The following FGF14 variants were observed in gnomAD, a reference collection of about 807,000 sequenced individuals.
FGF14 encodes the protein fibroblast growth factor homologous factor 4.
FGF14 carries 5 observed loss-of-function variants against 25.5 expected under a neutral mutation model. That is an observed-to-expected ratio of 0.20 (90% CI 0.10 to 0.41). The LOEUF is 0.41. FGF14 is among the 10% of genes least tolerant of loss of function. FGF14 has a pLI of 1.00. For synonymous variants in FGF14, 138 were observed against 118.3 expected (o/e 1.17, Z -1.08); for missense variants, 222 against 320.1 (o/e 0.69, Z 2.34).
At chr13:101,881,050 A>T (rs1428538410) in intron 1 of FGF14, among the ~76,000 whole-genome samples, 1 of 152,214 alleles carries the variant, frequency 6.6e-6, no homozygotes, top group East Asian at 1.9e-4. Flanking sequence ...ACTATGGGCA[A>T]AGACTTTTTC....
At chr13:102,147,743 A>AG (rs1033559689) in intron 1 of FGF14, among the ~76,000 whole-genome samples, 1 of 152,152 alleles carries the variant, frequency 6.6e-6, no homozygotes, top group African/African-American at 2.4e-5. Context: ...GTGGTAGAAA[A>AG]GGGGCTGAAA....
intron 1 of FGF14, among the ~76,000 whole-genome samples, chr13:102,370,670 G>T (rs781716439): frequency 6.6e-6 from 1 of 152,102 alleles, no homozygotes; most frequent in Admixed American, 6.6e-5. Flanking sequence ...AACTAAGTGA[G>T]ATAAAAAATG....
chr13:102,140,122 G>C (rs2046587153), intron 1 of FGF14, among the ~76,000 whole-genome samples: 1 of 149,086 alleles, frequency 6.7e-6, no homozygotes, highest in Non-Finnish European at 1.5e-5. Context: ...GTAAGATTTG[G>C]AGAATCTTAT....
chr13:102,056,331 A>G (rs370328011), intron 1 of FGF14, among the ~76,000 whole-genome samples: 30 of 152,316 alleles, frequency 2.0e-4, no homozygotes, highest in African/African-American at 6.7e-4. Context: ...TAGTTCAACA[A>G]TCATTTACCT....
Position 101,722,651 on chromosome 13 carries a change from T to C in FGF14, c.*180A>G, listed in dbSNP as rs1173428105. Reference sequence around the variant, plus strand: ...AGCTGGTTATCCAGGTGTCTTCTTGTTGTGGGGGGTGCAACAGGTTGAGAT... The same window carrying C: ...AGCTGGTTATCCAGGTGTCTTCTTGCTGTGGGGGGTGCAACAGGTTGAGAT... On this transcript the variant is annotated 3_prime_UTR_variant, in exon 5 of 5. Transcript: ENST00000376143. The C allele has an allele frequency of 1.3e-6, 1 of 752,252 alleles. No individual in the cohort carries two copies. Among genetic ancestry groups the C allele is most frequent in the Non-Finnish European group, 2.2e-6 (1 of 453,092 alleles). The allele number at this position is 752,252 out of a possible 1,614,324, so 46.6% of individuals were successfully genotyped here.
intron 1 of FGF14, among the ~76,000 whole-genome samples, chr13:102,214,879 T>A (rs752333497): frequency 6.6e-6 from 1 of 152,146 alleles, no homozygotes. Context: ...GGTTGAGAAA[T>A]CTTGTTCTAG....
In FGF14 at chr13:102,251,625, A is replaced by G. The variant is rs577031052; in HGVS notation, c.208+149846T>C. ...ATGCCAGCCATCGAGTTCTGAGCCT[A>G]TGGGATTTGGGTTTTCTCTACTAGC... On this transcript the variant is annotated intron_variant, in intron 1 of 4. Transcript: ENST00000376131. Among the ~76,000 whole-genome samples, 8 of 152,286 alleles carry G rather than the reference A, an allele frequency of 5.3e-5. No individual in the cohort carries two copies. In the East Asian group the frequency reaches 1.5e-3, roughly 29 times the overall value.
chr13:101,885,943 G>A (rs550586317), intron 1 of FGF14, among the ~76,000 whole-genome samples: 18 of 152,212 alleles, frequency 1.2e-4, no homozygotes, highest in Middle Eastern at 6.8e-3. Context: ...CTTTGCAGGG[G>A]ATAGAAAACC....
chr13:101,780,466 C>G (rs997665552), intron 3 of FGF14, among the ~76,000 whole-genome samples: 1 of 152,140 alleles, frequency 6.6e-6, no homozygotes, highest in African/African-American at 2.4e-5. Context: ...ATGCCAATGT[C>G]AATCTAAAGA....
chr13:101,941,011 G>C (rs1465274890), intron 1 of FGF14, among the ~76,000 whole-genome samples: 1 of 152,048 alleles, frequency 6.6e-6, no homozygotes. Context: ...AAAAAAACAA[G>C]TCTTGATCCT....
chr13:101,880,092 C>T (rs1385903848), intron 1 of FGF14, among the ~76,000 whole-genome samples: 1 of 152,138 alleles, frequency 6.6e-6, no homozygotes, highest in Admixed American at 6.5e-5. Context: ...CTCGAGAACC[C>T]CTTCCCTCTA....
chr13:101,896,100 T>C (rs2030624025), intron 1 of FGF14, among the ~76,000 whole-genome samples: 1 of 152,108 alleles, frequency 6.6e-6, no homozygotes, highest in Non-Finnish European at 1.5e-5. Flanking sequence ...TCTCCAAGGG[T>C]ATTCATACCC....
At chr13:101,853,137 T>C (rs2043943714) in intron 3 of FGF14, among the ~76,000 whole-genome samples, 1 of 152,042 alleles carries the variant, frequency 6.6e-6, no homozygotes, top group Non-Finnish European at 1.5e-5. Flanking sequence ...GTGTGTAGAA[T>C]GATCACATAA....
rs3067869 is a variant in FGF14 at position 102,398,013 on chromosome 13, A to AGTGTGTGTGTGT, written c.208+3446_208+3457dup. ...CTGCTAGGAAAGTAGGACATTTAAG[A>AGTGTGTGTGTGT]GTGTGTGTGTGTGTGTGTGTGTGTG... On this transcript the variant is annotated intron_variant, in intron 1 of 4. Transcript: ENST00000376131. Among the ~76,000 whole-genome samples, 318 of 147,248 alleles carry AGTGTGTGTGTGT rather than the reference A, an allele frequency of 2.2e-3. 1 individual carries two copies. The highest frequency in any genetic ancestry group is 5.1e-3 in the African/African-American group (203 of 39,992).
intron 1 of FGF14, among the ~76,000 whole-genome samples, chr13:102,251,645 A>G (rs2052179096): frequency 6.6e-6 from 1 of 152,122 alleles, no homozygotes; most frequent in Admixed American, 6.6e-5. Context: ...GGTTTTCTCT[A>G]CTAGCTATGC....
At chr13:102,332,505 T>C (rs2056663855) in intron 1 of FGF14, among the ~76,000 whole-genome samples, 1 of 152,152 alleles carries the variant, frequency 6.6e-6, no homozygotes, top group African/African-American at 2.4e-5. Context: ...TGAGGATCCC[T>C]TCTGCCATGT....
At chr13:102,267,750 C>T (rs963822013) in intron 1 of FGF14, among the ~76,000 whole-genome samples, 39 of 151,912 alleles carry the variant, frequency 2.6e-4, no homozygotes, top group Admixed American at 1.2e-3. Flanking sequence ...TGTTATAATC[C>T]TTGGTATTTT....
chr13:102,169,253 C>T (rs12427697), intron 1 of FGF14, among the ~76,000 whole-genome samples: 2,415 of 152,048 alleles, frequency 0.016, 118 homozygotes, highest in Admixed American at 0.091. Flanking sequence ...CCCACATTTT[C>T]CTAATATCTT....
chr13:101,735,174 A>T (rs1470382912), intron 3 of FGF14, among the ~76,000 whole-genome samples: 7 of 152,166 alleles, frequency 4.6e-5, no homozygotes, highest in Non-Finnish European at 2.9e-5. Flanking sequence ...AGATCTACAG[A>T]GCCACCTAGC....
Sources: gnomAD v4.1 joint callset for allele counts (sites outside exome capture counted in the v4.1 genomes callset) on GRCh38, gnomAD v4.1.1 for gene constraint, MANE v1.5 for transcripts, NCBI Gene and HGNC (gene_info 2026-07-23, HGNC 2026-07-21) for gene names.